Variants in C11orf71 observed in about 807,000 individuals in gnomAD.
C11orf71 encodes the protein uncharacterized protein C11orf71.
For synonymous variants in C11orf71, 72 were observed against 73.4 expected (o/e 0.98, Z 0.09); for missense variants, 179 against 167.6 (o/e 1.07, Z -0.38).
At chr11:114,392,834 G>A (rs979738953) in intron 1 of C11orf71, among the ~76,000 whole-genome samples, 2 of 151,218 alleles carry the variant, frequency 1.3e-5, no homozygotes, top group African/African-American at 4.9e-5. Context: ...CTGCCCACTG[G>A]CCACTCTAGC....
At chr11:114,394,245 T>TCTCTTCTCTTC (rs1309516247), downstream of C11orf71, among the ~76,000 whole-genome samples, 1 of 61,858 alleles carries the variant, frequency 1.6e-5, no homozygotes, top group Admixed American at 2.1e-4. Flanking sequence ...TTCTTTTCTT[T>TCTCTTCTCTTC]TCTTTTCTTT....
intron 1 of C11orf71, among the ~76,000 whole-genome samples, chr11:114,393,414 A>G (rs1028019899): frequency 7.9e-5 from 12 of 152,262 alleles, no homozygotes; most frequent in Non-Finnish European, 1.2e-4. Flanking sequence ...AATCGGAAGC[A>G]ATTAATTTGC....
At chr11:114,394,318 G>A (rs1403964724), downstream of C11orf71, among the ~76,000 whole-genome samples, 19 of 85,752 alleles carry the variant, frequency 2.2e-4, no homozygotes, top group South Asian at 2.1e-3. Flanking sequence ...TTTTTGAGAC[G>A]GAGTCGCACT....
chr11:114,392,672 A>G (rs752350394), intron 1 of C11orf71, among the ~76,000 whole-genome samples: 20 of 151,410 alleles, frequency 1.3e-4, no homozygotes, highest in Non-Finnish European at 2.5e-4. Flanking sequence ...CCAAGGTTAC[A>G]GTGAGCCATG....
chr11:114,394,223 CTTTT>C (rs1565256473), downstream of C11orf71, among the ~76,000 whole-genome samples: 12 of 60,274 alleles, frequency 2.0e-4, 1 homozygote, highest in Non-Finnish European at 2.7e-4. Context: ...CTTTTCTTTT[CTTTT>C]CTTTCTTTTC....
chr11:114,391,735 A>C lies in C11orf71; in HGVS notation c.344-70T>G. On this transcript the variant is annotated intron_variant, in intron 1 of 1. Coordinates refer to the C11orf71 transcript ENST00000325636. ...GGTAACCAAAAATGCATGTCCCAGC[A>C]AAAGGGATTCAAATTTATTTTATTT... 4.9e-6 allele frequency: 3 copies of C among 606,356 alleles called. No homozygotes were observed. The South Asian group carries it at 8.5e-5, about 17-fold the overall frequency. 37.6% of individuals were successfully genotyped at this position (606,356 alleles called of 1,614,324 possible).
At position 114,400,267 on chromosome 11, in the gene C11orf71, G is replaced by A. The variant is rs2135345714; in HGVS notation, c.65C>T (p.Ser22Phe). 1 of 1,611,080 alleles carries A rather than the reference G, an allele frequency of 6.2e-7. No individual in the cohort carries two copies. The highest frequency in any genetic ancestry group is 8.5e-7 in the Non-Finnish European group (1 of 1,178,656). The change falls in exon 1 of 1, where the codon TCC becomes TTC. Residue 22 changes from serine to phenylalanine, a missense_variant. By Grantham distance (155) the Ser-to-Phe change is radical. Transcript: ENST00000623205. The stretch of plus-strand genomic sequence containing the variant: ...CGCCCGCGGTCTGAGGTCGCCATGG[G>A]AAGAGCGGTAGGCCACCCTGCTCCT... ...DQRSRVAYRS[S>F]HGDLRPRASA...
At chr11:114,396,872 TTTC>T (rs756692356), downstream of C11orf71, among the ~76,000 whole-genome samples, 3 of 152,230 alleles carry the variant, frequency 2.0e-5, no homozygotes, top group Admixed American at 6.5e-5. Context: ...TTCACCCTCC[TTTC>T]TTCTTCTTTT....
downstream of C11orf71, among the ~76,000 whole-genome samples, chr11:114,394,228 C>CTTT: frequency 6.2e-5 from 3 of 48,704 alleles, no homozygotes; most frequent in Non-Finnish European, 1.1e-4. Context: ...CTTTTCTTTT[C>CTTT]TTTCTTTTCT....
downstream of C11orf71, among the ~76,000 whole-genome samples, chr11:114,393,690 A>T (rs1946089661): frequency 6.6e-6 from 1 of 152,248 alleles, no homozygotes; most frequent in South Asian, 2.1e-4. Context: ...GTGAAATGGT[A>T]TCCCTCCAAA....
rs1946180265 is a variant in C11orf71 at position 114,400,499 on chromosome 11, T to A, written c.-168A>T. ...GCCGCCTTGCCTTTAACGAGGGGTA[T>A]CCTGGCGAGCATGCGCAGACCGTCC... On this transcript the variant is annotated 5_prime_UTR_variant, in exon 1 of 1. Coordinates refer to ENST00000623205, the MANE Select transcript of C11orf71 (RefSeq NM_001271562.2). The A allele has an allele frequency of 7.8e-7, 1 of 1,277,500 alleles. No individual in the cohort carries two copies. Among genetic ancestry groups the A allele is most frequent in the Non-Finnish European group, 1.1e-6 (1 of 937,744 alleles). 79.1% of individuals were successfully genotyped at this position (1,277,500 alleles called of 1,614,324 possible).
Position 114,400,423 on chromosome 11 carries a change from C to A in C11orf71, c.-92G>T. ...AGATCAGTCCAGCCTGTGTCGGACC[C>A]GATGACTAAGCACACAGGAACCCAT... On this transcript the variant is annotated 5_prime_UTR_variant, in exon 1 of 1. Coordinates refer to ENST00000623205, the MANE Select transcript of C11orf71 (RefSeq NM_001271562.2). 1 of 1,444,828 alleles carries A rather than the reference C, an allele frequency of 6.9e-7. No individual in the cohort carries two copies. Among genetic ancestry groups the A allele is most frequent in the Admixed American group, 2.6e-5 (1 of 37,764 alleles). The allele number at this position is 1,444,828 out of a possible 1,614,324, so 89.5% of individuals were successfully genotyped here.
rs376853601 is a variant in C11orf71, at chr11:114,400,124, C to A, written c.208G>T (p.Gly70Cys). 5.8e-5 allele frequency: 93 copies of A among 1,613,936 alleles called. No homozygotes were observed. The highest frequency in any genetic ancestry group is 4.9e-4 in the Middle Eastern group (3 of 6,062). ...SVRAESRRVD[G>C]GGRSPREPDG... ...GGTTCCCTTGGGCTCCGGCCGCCAC[C>A]ATCCACTCGACGGCTCTCGGCCCGA... Residue 70 changes from glycine (G) to cysteine (C), a missense_variant, in exon 1 of 1, where the codon GGT (glycine) becomes TGT (cysteine). By Grantham distance (159) the Gly-to-Cys change is radical. Coordinates refer to ENST00000623205, the MANE Select transcript of C11orf71 (RefSeq NM_001271562.2).
At chr11:114,394,768 A>G (rs1946118152), downstream of C11orf71, among the ~76,000 whole-genome samples, 1 of 151,998 alleles carries the variant, frequency 6.6e-6, no homozygotes, top group South Asian at 2.1e-4. Context: ...GGTTTTTTAA[A>G]ATTATAAACA....
chr11:114,396,839 T>C (rs1464318724), downstream of C11orf71, among the ~76,000 whole-genome samples: 1 of 152,200 alleles, frequency 6.6e-6, no homozygotes, highest in Non-Finnish European at 1.5e-5. Flanking sequence ...AGTTGAACCT[T>C]ACTCTTTCCT....
At chr11:114,397,831 G>A (rs1479237559), downstream of C11orf71, among the ~76,000 whole-genome samples, 1 of 152,110 alleles carries the variant, frequency 6.6e-6, no homozygotes, top group Non-Finnish European at 1.5e-5. Flanking sequence ...CATAATTGAT[G>A]GCACCCTCTT....
At chr11:114,393,734 C>T (rs1946089886), downstream of C11orf71, among the ~76,000 whole-genome samples, 1 of 152,118 alleles carries the variant, frequency 6.6e-6, no homozygotes, top group Admixed American at 6.5e-5. Context: ...AAAGCATTAG[C>T]ACTACAAAAA....
rs762972633 is a variant in C11orf71 at position 114,399,974 on chromosome 11, G to C, written c.358C>G (p.Arg120Gly). 1 of 1,597,160 alleles carries C rather than the reference G, an allele frequency of 6.3e-7. No homozygotes were observed. Among genetic ancestry groups the C allele is most frequent in the South Asian group, 1.1e-5 (1 of 90,492 alleles). ...LIALGGVIAA[R>G]ISV ...AAGGTGTTCGTTTAAACTGAAATTC[G>C]AGCTGCGATAACACCTCCTAATGCA... The change falls in exon 1 of 1, where the codon CGA becomes GGA. Residue 120 changes from arginine (R) to glycine (G), a missense_variant. Physicochemically the swap from Arg to Gly is moderately radical, Grantham distance 125. Transcript: ENST00000623205.
chr11:114,393,816 TGTAA>T (rs1461860317), downstream of C11orf71, among the ~76,000 whole-genome samples: 4 of 152,210 alleles, frequency 2.6e-5, no homozygotes, highest in Non-Finnish European at 5.9e-5. Flanking sequence ...TCTCTTGTTA[TGTAA>T]GTATTTACAT....
Sources: gnomAD v4.1 joint callset for allele counts (sites outside exome capture counted in the v4.1 genomes callset) on GRCh38, gnomAD v4.1.1 for gene constraint, MANE v1.5 for transcripts, NCBI Gene and HGNC (gene_info 2026-07-23, HGNC 2026-07-21) for gene names.